The following TPR variants were observed in gnomAD, a reference collection of about 807,000 sequenced individuals.
TPR encodes nucleoprotein TPR.
In TPR, 51 loss-of-function variants were observed where a neutral mutation model predicts 316.1. The ratio of observed to expected loss-of-function variants is 0.16; its 90% CI spans 0.13 to 0.20. The LOEUF is 0.20. Ranked by LOEUF, TPR falls within the 10% of genes least tolerant of loss-of-function variation. The probability of loss-of-function intolerance (pLI) is 1.00; values close to 1 mark genes in which losing one functional copy is unlikely to be tolerated. For synonymous variants in TPR, 981 were observed against 914.7 expected (o/e 1.07, Z -1.31); for missense variants, 2,272 against 2,754.8 (o/e 0.82, Z 3.92).
intron 3 of TPR, among the ~76,000 whole-genome samples, chr1:186,369,037 C>T (rs1347979045): frequency 6.6e-6 from 1 of 152,108 alleles, no homozygotes; most frequent in South Asian, 2.1e-4. Context: ...CTTCTTGGCA[C>T]CCTTGTTGAA....
intron 21 of TPR, among the ~76,000 whole-genome samples, chr1:186,348,624 A>C (rs559508699): frequency 7.2e-5 from 11 of 151,978 alleles, no homozygotes; most frequent in African/African-American, 2.4e-4. Context: ...CTGGTCTGAG[A>C]CTCAGGCCAG....
At chr1:186,341,565 CT>C (rs2102072641) in intron 27 of TPR, 176 bp from the exon 28 acceptor site, 2 of 561,760 alleles carry the variant, frequency 3.6e-6, no homozygotes, top group East Asian at 6.0e-5. Context: ...GAACTGCAGA[CT>C]TTAAACAAAT....
At chr1:186,325,285 C>T (rs1657888072) in intron 42 of TPR, among the ~76,000 whole-genome samples, 1 of 152,114 alleles carries the variant, frequency 6.6e-6, no homozygotes, top group East Asian at 1.9e-4. Context: ...TTAATGCCCA[C>T]AACTTTTCAG....
intron 30 of TPR, among the ~76,000 whole-genome samples, chr1:186,338,978 G>C (rs1193375633): frequency 6.6e-6 from 1 of 152,120 alleles, no homozygotes; most frequent in African/African-American, 2.4e-5. Context: ...ACAAAAATTT[G>C]TAAGTTGTAA....
At chr1:186,361,969 T>A in intron 7 of TPR, 100 bp from the exon 8 acceptor site, 1 of 1,147,474 alleles carries the variant, frequency 8.7e-7, no homozygotes, top group Non-Finnish European at 1.2e-6. Context: ...AAGTAAGAGC[T>A]AAATCTAAAA....
intron 45 of TPR, 124 bp downstream of exon 45, chr1:186,322,194 A>T: frequency 1.2e-6 from 1 of 862,172 alleles, no homozygotes; most frequent in Non-Finnish European, 1.8e-6. Context: ...TACCCCAAGT[A>T]CTTATTAGTA....
chr1:186,336,244 G>A (rs1187036647), intron 33 of TPR, among the ~76,000 whole-genome samples: 1 of 152,116 alleles, frequency 6.6e-6, no homozygotes, highest in African/African-American at 2.4e-5. Context: ...GAAAGCAGAA[G>A]GATAGCAGTA....
chr1:186,366,549 GTTGT>G (rs1171760627), intron 4 of TPR, among the ~76,000 whole-genome samples: 2 of 152,132 alleles, frequency 1.3e-5, no homozygotes, highest in Admixed American at 6.5e-5. Flanking sequence ...TAACCACTGT[GTTGT>G]TTAAGGGTCA....
intron 29 of TPR, among the ~76,000 whole-genome samples, chr1:186,340,162 C>T (rs960822183): frequency 1.3e-5 from 2 of 152,122 alleles, no homozygotes; most frequent in African/African-American, 4.8e-5. Context: ...AACACACAAA[C>T]CTTCTGTAGA....
chr1:186,343,777 T>A, intron 26 of TPR, 129 bp downstream of exon 26: 1 of 955,078 alleles, frequency 1.0e-6, no homozygotes, highest in South Asian at 1.9e-5. Flanking sequence ...AAGTTATGAG[T>A]TCTTTGACAA....
intron 1 of TPR, among the ~76,000 whole-genome samples, chr1:186,374,010 T>C (rs1003565716): frequency 6.6e-6 from 1 of 152,218 alleles, no homozygotes; most frequent in African/African-American, 2.4e-5. Context: ...ATAAATAGAA[T>C]GCAATGTACT....
At chr1:186,337,840 C>CTAGT (rs1045448896) in intron 31 of TPR, among the ~76,000 whole-genome samples, 193 bp downstream of exon 31, 3 of 151,682 alleles carry the variant, frequency 2.0e-5, no homozygotes, top group Non-Finnish European at 4.4e-5. Context: ...ACTGAACTAT[C>CTAGT]TAGTATTTAC....
At chr1:186,373,505 A>G (rs772783134) in intron 1 of TPR, 42 bp from the exon 2 acceptor site, 5 of 1,197,350 alleles carry the variant, frequency 4.2e-6, no homozygotes, top group South Asian at 2.5e-5. Flanking sequence ...AATCAAACAC[A>G]TGTACATACA....
chr1:186,366,721 A>G (rs1015098358), intron 4 of TPR, among the ~76,000 whole-genome samples: 98 of 152,316 alleles, frequency 6.4e-4, no homozygotes, highest in African/African-American at 2.2e-3. Flanking sequence ...TAAATATTCA[A>G]CGTTAACCTT....
chr1:186,333,431 AC>A, intron 36 of TPR, 37 bp from the exon 37 acceptor site: 1 of 1,596,824 alleles, frequency 6.3e-7, no homozygotes, highest in Non-Finnish European at 8.5e-7. Flanking sequence ...TAAGCCTTCT[AC>A]TTTTATCAAA....
At position 186,312,167 on chromosome 1, in the gene TPR, CA is replaced by C. The variant is rs747775887; in HGVS notation, c.*1803del. On this transcript the variant is annotated 3_prime_UTR_variant, in exon 51 of 51. Coordinates refer to ENST00000367478, the MANE Select transcript of TPR (RefSeq NM_003292.3). ...TCATTTTCCATGTGATATTCTAATA[CA>C]TAACAGGTGGCAGCATTCAGCAGTA... is the stretch of plus-strand genomic sequence containing the variant. The C allele has an allele frequency of 7.4e-6, 12 of 1,612,288 alleles. No homozygotes were observed. Among genetic ancestry groups the C allele is most frequent in the Non-Finnish European group, 1.0e-5 (12 of 1,178,494 alleles).
At chr1:186,362,454 G>A in intron 6 of TPR, 74 bp from the exon 7 acceptor site, 2 of 1,206,914 alleles carry the variant, frequency 1.7e-6, no homozygotes, top group Middle Eastern at 1.9e-4. Flanking sequence ...GGTTTATGCT[G>A]CTAAGGAAAA....
Position 186,373,410 on chromosome 1 carries a change from C to G in TPR, c.205G>C (p.Val69Leu). 6.2e-7 allele frequency: 1 copy of G among 1,613,592 alleles called. No homozygotes were observed. Among genetic ancestry groups the G allele is most frequent in the Non-Finnish European group, 8.5e-7 (1 of 1,179,750 alleles). Residue 69 changes from valine to leucine, a missense_variant, in exon 2 of 51, where the codon GTG becomes CTG. Val to Leu is a conservative substitution (Grantham distance 32, BLOSUM62 1). This residue lies in a region of TPR where 549 missense variants were observed against 598.6 expected (regional missense o/e 0.92). Coordinates refer to ENST00000367478, the MANE Select transcript of TPR (RefSeq NM_003292.3). The part of the protein sequence containing the change: ...KRLSHSQERL[V>L]NETRECQSLR... ...CTTTGACACTCTCGGGTTTCATTCA[C>G]AAGTCTCTCCTGACTGTGGGACAAC...
At position 186,312,480 on chromosome 1, in the gene TPR, A is replaced by C; in HGVS notation, c.*1491T>G. 1.8e-6 allele frequency: 2 copies of C among 1,128,048 alleles called. No homozygotes were observed. Among genetic ancestry groups the C allele is most frequent in the Non-Finnish European group, 2.5e-6 (2 of 796,340 alleles). The allele number at this position is 1,128,048 out of a possible 1,614,324, so 69.9% of individuals were successfully genotyped here. On this transcript the variant is annotated 3_prime_UTR_variant, in exon 51 of 51. Coordinates refer to ENST00000367478, the MANE Select transcript of TPR (RefSeq NM_003292.3). ...TGGATACTGATCAAACAGCCCTAAT[A>C]ATTTAAGCTTACTGATGAAAAACTC...
Sources: gnomAD v4.1 joint callset for allele counts (sites outside exome capture counted in the v4.1 genomes callset) on GRCh38, gnomAD v4.1.1 for gene constraint, gnomAD v4.1.1 regional missense constraint, MANE v1.5 for transcripts, NCBI Gene and HGNC (gene_info 2026-07-23, HGNC 2026-07-21) for gene names.